NEGR1: variants seen among roughly 807,000 people sequenced by gnomAD.
NEGR1 encodes the protein neuronal growth regulator 1.
Under a neutral mutation model 40.9 loss-of-function variants are expected in NEGR1, and 10 were observed. The ratio of observed to expected loss-of-function variants is 0.24; its 90% CI spans 0.15 to 0.42. The LOEUF (loss-of-function observed/expected upper bound fraction) is 0.42, where lower values mean the gene tolerates loss of function less well. Among genes scored for constraint, NEGR1 ranks in the 10% least tolerant of loss-of-function variants. NEGR1 has a pLI of 1.00. For missense variants in NEGR1, 352 were observed against 438.9 expected (o/e 0.80, Z 1.77); for synonymous variants, 185 against 166.8 (o/e 1.11, Z -0.84).
intron 1 of NEGR1, among the ~76,000 whole-genome samples, chr1:72,134,084 TG>T (rs1650355848): frequency 6.6e-6 from 1 of 152,172 alleles, no homozygotes; most frequent in African/African-American, 2.4e-5. Context: ...TGCATTTAAA[TG>T]CTTGTTAATT....
At chr1:71,827,202 A>G (rs1658659187) in intron 2 of NEGR1, among the ~76,000 whole-genome samples, 2 of 148,524 alleles carry the variant, frequency 1.3e-5, no homozygotes, top group South Asian at 2.6e-4. Context: ...CTGTTTTATG[A>G]AAAAAAAAGA....
intron 4 of NEGR1, among the ~76,000 whole-genome samples, chr1:71,660,122 T>C (rs1307043177): frequency 1.3e-5 from 2 of 152,094 alleles, no homozygotes; most frequent in Non-Finnish European, 2.9e-5. Context: ...TGGCACATAA[T>C]ATCATGGAAC....
chr1:71,760,316 T>G (rs1655898916), intron 3 of NEGR1, among the ~76,000 whole-genome samples: 1 of 152,162 alleles, frequency 6.6e-6, no homozygotes. Context: ...TACTAGAAAT[T>G]TTCTTTCTTT....
chr1:71,657,754 AATAG>A (rs1487416890), intron 4 of NEGR1, among the ~76,000 whole-genome samples: 4 of 152,190 alleles, frequency 2.6e-5, no homozygotes, highest in Non-Finnish European at 5.9e-5. Context: ...CTCCTTTGAT[AATAG>A]ATAATGAGGA....
intron 6 of NEGR1, among the ~76,000 whole-genome samples, chr1:71,474,543 C>CACAT (rs1557538824): frequency 6.6e-6 from 1 of 150,544 alleles, no homozygotes; most frequent in Non-Finnish European, 1.5e-5. Context: ...CACACACACA[C>CACAT]ACACACACAC....
chr1:72,052,500 A>T (rs1647071510), intron 1 of NEGR1, among the ~76,000 whole-genome samples: 1 of 151,462 alleles, frequency 6.6e-6, no homozygotes. Flanking sequence ...TCCACTTCGT[A>T]TTATTGTCAA....
At chr1:71,751,363 A>C (rs1271418636) in intron 3 of NEGR1, among the ~76,000 whole-genome samples, 1 of 152,210 alleles carries the variant, frequency 6.6e-6, no homozygotes, top group African/African-American at 2.4e-5. Flanking sequence ...CTTCAAGAAA[A>C]GTATTTGACT....
At chr1:72,115,427 A>C (rs1649544657) in intron 1 of NEGR1, among the ~76,000 whole-genome samples, 1 of 151,674 alleles carries the variant, frequency 6.6e-6, no homozygotes, top group African/African-American at 2.4e-5. Flanking sequence ...TTGTGTAGAA[A>C]GTCCTATTCA....
intron 6 of NEGR1, among the ~76,000 whole-genome samples, chr1:71,508,338 A>G (rs1647049765): frequency 6.6e-6 from 1 of 152,156 alleles, no homozygotes; most frequent in Non-Finnish European, 1.5e-5. Context: ...GGAGGGAGGG[A>G]AAAAGACTGG....
intron 4 of NEGR1, among the ~76,000 whole-genome samples, chr1:71,620,264 C>A (rs115699557): frequency 6.6e-6 from 1 of 151,916 alleles, no homozygotes; most frequent in Non-Finnish European, 1.5e-5. Flanking sequence ...GAGGAAAAAT[C>A]GGTCCTACAG....
intron 1 of NEGR1, among the ~76,000 whole-genome samples, chr1:72,243,148 T>A (rs1654801508): frequency 6.6e-6 from 1 of 151,724 alleles, no homozygotes; most frequent in Admixed American, 6.6e-5. Context: ...ATAATTCAAT[T>A]GTATTAATGA....
At chr1:71,411,630 TA>T (rs1646321726) in intron 6 of NEGR1, among the ~76,000 whole-genome samples, 1 of 152,044 alleles carries the variant, frequency 6.6e-6, no homozygotes, top group African/African-American at 2.4e-5. Flanking sequence ...TGAGAAGCCA[TA>T]GGAGAGTATG....
intron 3 of NEGR1, among the ~76,000 whole-genome samples, chr1:71,740,750 T>A (rs1245704258): frequency 6.6e-6 from 1 of 152,192 alleles, no homozygotes; most frequent in African/African-American, 2.4e-5. Context: ...AAATAATGAA[T>A]ATTGCAAGTG....
At chr1:71,707,112 A>G (rs148436266) in intron 3 of NEGR1, among the ~76,000 whole-genome samples, 1 of 130,416 alleles carries the variant, frequency 7.7e-6, no homozygotes, top group African/African-American at 2.8e-5. Flanking sequence ...AGAGTGCTTG[A>G]GAAAAGCAAA....
At position 71,407,843 on chromosome 1, in the gene NEGR1, G is replaced by A. The variant is rs188876242; in HGVS notation, c.941-273C>T. On this transcript the variant is annotated intron_variant, in intron 6 of 6. Transcript: ENST00000357731. ...GAGAATTGGAGATGAAGCACATACA[G>A]CATATTACATCAACTAAACACATGC... The A allele has an allele frequency of 2.4e-3, 820 of 345,714 alleles. 8 individuals are homozygous for A. The highest frequency in any genetic ancestry group is 0.016 in the African/African-American group (780 of 47,734). The allele number at this position is 345,714 out of a possible 1,614,324, so 21.4% of individuals were successfully genotyped here. A position where few individuals can be genotyped will look rare whatever the true frequency, so the allele number is the denominator to read the frequency against.
At chr1:71,589,713 C>T (rs1649435512) in intron 6 of NEGR1, among the ~76,000 whole-genome samples, 1 of 152,116 alleles carries the variant, frequency 6.6e-6, no homozygotes, top group Non-Finnish European at 1.5e-5. Flanking sequence ...TCTCTCACCT[C>T]TGCTACTCTT....
chr1:71,731,962 T>C (rs1342923100), intron 3 of NEGR1, among the ~76,000 whole-genome samples: 1 of 152,196 alleles, frequency 6.6e-6, no homozygotes, highest in Non-Finnish European at 1.5e-5. Context: ...GAGATACTAA[T>C]TGACTCAAAT....
At position 71,962,373 on chromosome 1, in the gene NEGR1, T is replaced by G. The variant is rs923001178; in HGVS notation, c.177-27062A>C. ...CACAGCATTTGCTTTTGCATATTCT[T>G]CCTTTAAAAATAATTTATTCTCTTA... On this transcript the variant is annotated intron_variant, in intron 1 of 6. Coordinates refer to ENST00000357731, the MANE Select transcript of NEGR1 (RefSeq NM_173808.3). Among the ~76,000 whole-genome samples the G allele has an allele frequency of 1.4e-4, 22 of 152,230 alleles. No individual in the cohort carries two copies. In the East Asian group the frequency reaches 3.9e-3, roughly 27 times the overall value.
In NEGR1 at chr1:72,255,555, T is replaced by TC. The variant is rs35116296; in HGVS notation, c.176+26763_176+26764insG. On this transcript the variant is annotated intron_variant, in intron 1 of 6. Coordinates refer to ENST00000357731, the MANE Select transcript of NEGR1 (RefSeq NM_173808.3). ...GTTTATCAAAAATACTTCTTTTTTT[T>TC]TTTTTTTTTTTGAGATGGAGTCTTG... 4.7e-3 allele frequency among the ~76,000 whole-genome samples: 532 copies of TC among 113,182 alleles called. 5 individuals are homozygous for TC. Among genetic ancestry groups the TC allele is most frequent in the African/African-American group, 0.015 (497 of 34,156 alleles). 74.3% of individuals were successfully genotyped at this position (113,182 alleles called of 152,430 possible). A position where few individuals can be genotyped will look rare whatever the true frequency, so the allele number is the denominator to read the frequency against.
Sources: allele counts gnomAD v4.1 joint callset (sites outside exome capture counted in the v4.1 genomes callset), GRCh38; gene constraint gnomAD v4.1.1; transcripts MANE v1.5; gene names NCBI Gene and HGNC (gene_info 2026-07-23, HGNC 2026-07-21).